Variants in SAMTOR observed in about 807,000 individuals in gnomAD.
The protein encoded by SAMTOR is S-adenosylmethionine sensor upstream of mTORC1, also known as UPF0532 protein C7orf60.
the SAMTOR span, among the ~76,000 whole-genome samples, chr7:112,877,213 C>T: frequency 2.0e-5 from 3 of 152,160 alleles, no homozygotes; most frequent in Admixed American, 1.3e-4. Context: ...TTTCTAGGAG[C>T]TAAGTTATCC....
the SAMTOR span, among the ~76,000 whole-genome samples, chr7:112,880,950 G>A: frequency 6.6e-6 from 1 of 152,110 alleles, no homozygotes; most frequent in South Asian, 2.1e-4. Context: ...GGGAACAGGT[G>A]GAAGACCCTT....
At chr7:112,899,525 A>G in the SAMTOR span, among the ~76,000 whole-genome samples, 6 of 152,306 alleles carry the variant, frequency 3.9e-5, no homozygotes, top group South Asian at 6.2e-4. Flanking sequence ...CAAAGGAATA[A>G]TAACAGTTTT....
At chr7:112,845,900 T>C in the SAMTOR span, among the ~76,000 whole-genome samples, 3 of 151,984 alleles carry the variant, frequency 2.0e-5, no homozygotes, top group African/African-American at 7.3e-5. Flanking sequence ...AAAAGAACAA[T>C]ATAATGTCCA....
chr7:112,890,062 C>T, the SAMTOR span, among the ~76,000 whole-genome samples: 1 of 152,024 alleles, frequency 6.6e-6, no homozygotes, highest in Non-Finnish European at 1.5e-5. Flanking sequence ...AACAAAGATC[C>T]TGGAAATGAG....
chr7:112,919,879 C>T, the SAMTOR span, among the ~76,000 whole-genome samples: 2 of 152,184 alleles, frequency 1.3e-5, no homozygotes, highest in Non-Finnish European at 2.9e-5. Flanking sequence ...GACACATACA[C>T]CCTCCCAAGA....
the SAMTOR span, among the ~76,000 whole-genome samples, chr7:112,862,685 T>C: frequency 6.6e-5 from 10 of 152,150 alleles, no homozygotes; most frequent in Admixed American, 5.2e-4. Flanking sequence ...TCTCAGCACT[T>C]TGGGAGGCCA....
chr7:112,897,125 A>G, the SAMTOR span, among the ~76,000 whole-genome samples: 1 of 152,194 alleles, frequency 6.6e-6, no homozygotes, highest in East Asian at 1.9e-4. Context: ...TACAAATCTA[A>G]TCTAATGACA....
chr7:112,894,666 T>C, the SAMTOR span, among the ~76,000 whole-genome samples: 1 of 152,288 alleles, frequency 6.6e-6, no homozygotes, highest in East Asian at 1.9e-4. Flanking sequence ...TCGTGAGACT[T>C]ACTCACTACC....
the SAMTOR span, chr7:112,915,591 T>C: frequency 2.0e-6 from 1 of 499,658 alleles, no homozygotes; most frequent in East Asian, 3.6e-5. Context: ...ACATTTAAAA[T>C]GTTTAAATAA....
chr7:112,882,840 G>C, the SAMTOR span, among the ~76,000 whole-genome samples: 1 of 148,806 alleles, frequency 6.7e-6, no homozygotes, highest in African/African-American at 2.5e-5. Context: ...TGCTCACTAG[G>C]ATCACCTCCA....
At chr7:112,892,781 A>G in the SAMTOR span, among the ~76,000 whole-genome samples, 14 of 151,984 alleles carry the variant, frequency 9.2e-5, no homozygotes, top group African/African-American at 3.4e-4. Context: ...CAAAAAAAAA[A>G]AAATAATAAT....
the SAMTOR span, among the ~76,000 whole-genome samples, chr7:112,898,853 G>GTT: frequency 2.0e-5 from 3 of 152,230 alleles, no homozygotes; most frequent in Non-Finnish European, 2.9e-5. Flanking sequence ...ATCTGCAGAA[G>GTT]TTGCAGTGTA....
chr7:112,832,174 G>A, the SAMTOR span, among the ~76,000 whole-genome samples: 1 of 151,910 alleles, frequency 6.6e-6, no homozygotes, highest in African/African-American at 2.4e-5. Flanking sequence ...ACCACGCCCA[G>A]CTACATTTTT....
chr7:112,892,923 T>C, the SAMTOR span, among the ~76,000 whole-genome samples: 2 of 152,192 alleles, frequency 1.3e-5, no homozygotes, highest in African/African-American at 4.8e-5. Context: ...TGGTACATTA[T>C]CAATGGGCAG....
the SAMTOR span, chr7:112,939,826 G>A: frequency 2.5e-6 from 3 of 1,210,898 alleles, no homozygotes; most frequent in East Asian, 2.5e-5. Context: ...GGGGTAGGAG[G>A]AGGGAGCTGC....
chr7:112,843,637 G>C, the SAMTOR span, among the ~76,000 whole-genome samples: 3 of 151,856 alleles, frequency 2.0e-5, no homozygotes, highest in Admixed American at 2.0e-4. Context: ...CTCTACAGTT[G>C]AATCAGTAAT....
chr7:112,878,673 C>T, the SAMTOR span, among the ~76,000 whole-genome samples: 1 of 152,096 alleles, frequency 6.6e-6, no homozygotes, highest in Admixed American at 6.5e-5. Flanking sequence ...TGGAATTTTG[C>T]AGGAGCAAAA....
At chr7:112,887,214 T>C in the SAMTOR span, among the ~76,000 whole-genome samples, 1 of 150,858 alleles carries the variant, frequency 6.6e-6, no homozygotes, top group Non-Finnish European at 1.5e-5. Flanking sequence ...ATATTATTCG[T>C]TTTTAAAAAG....
At chr7:112,905,135 A>G in the SAMTOR span, among the ~76,000 whole-genome samples, 1 of 152,106 alleles carries the variant, frequency 6.6e-6, no homozygotes, top group Admixed American at 6.5e-5. Flanking sequence ...AACCTAGCCA[A>G]TCCTAAACCG....
Sources: gnomAD v4.1 joint callset for allele counts (sites outside exome capture counted in the v4.1 genomes callset) on GRCh38, gnomAD v4.1.1 for gene constraint, MANE v1.5 for transcripts, NCBI Gene and HGNC (gene_info 2026-07-23, HGNC 2026-07-21) for gene names.